GPC6: variants seen among roughly 807,000 people sequenced by gnomAD.
The protein encoded by GPC6 is glypican 6, also known as glypican-6.
A neutral mutation model predicts 55.2 loss-of-function variants in GPC6; 14 were observed. The observed-to-expected ratio is 0.25, with a 90% confidence interval of 0.17 to 0.40. The LOEUF is 0.40. Ranked by LOEUF, GPC6 falls within the 10% of genes least tolerant of loss-of-function variation. GPC6 has a pLI of 1.00. For synonymous variants in GPC6, 278 were observed against 259.6 expected (o/e 1.07, Z -0.68); for missense variants, 641 against 708.5 (o/e 0.90, Z 1.08).
chr13:93,910,520 G>A (rs576991285), intron 3 of GPC6, among the ~76,000 whole-genome samples: 10 of 152,120 alleles, frequency 6.6e-5, no homozygotes, highest in Non-Finnish European at 1.2e-4. Flanking sequence ...TTGAGAGATA[G>A]ATCCAATGGA....
intron 5 of GPC6, among the ~76,000 whole-genome samples, chr13:94,287,175 C>T (rs1357343314): frequency 6.6e-6 from 1 of 152,160 alleles, no homozygotes; most frequent in Non-Finnish European, 1.5e-5. Context: ...CCCGCCTCTT[C>T]CTTCATCAAT....
At chr13:93,899,445 GAA>G (rs796917504) in intron 3 of GPC6, among the ~76,000 whole-genome samples, 2 of 137,128 alleles carry the variant, frequency 1.5e-5, no homozygotes, top group Non-Finnish European at 1.6e-5. Context: ...TTGGATGAAG[GAA>G]AAAAAAAAAA....
In GPC6 at chr13:94,199,995, G is replaced by A. The variant is rs991221954; in HGVS notation, c.878-86354G>A. ...AATATGGTGAAACCCTGTCTTTACT[G>A]AACATACAAATTTAGCTGGGTGTGG... On this transcript the variant is annotated intron_variant, in intron 4 of 8. Transcript: ENST00000377047. Among the ~76,000 whole-genome samples, 5 of 152,052 alleles carry A rather than the reference G, an allele frequency of 3.3e-5. 1 individual carries two copies. Among genetic ancestry groups the A allele is most frequent in the Admixed American group, 3.3e-4 (5 of 15,260 alleles).
chr13:94,140,088 A>C (rs1429090388), intron 4 of GPC6, among the ~76,000 whole-genome samples: 1 of 151,232 alleles, frequency 6.6e-6, no homozygotes, highest in Non-Finnish European at 1.5e-5. Flanking sequence ...CTTTTATCAA[A>C]TTTTCTTTGA....
chr13:94,075,556 C>A (rs1884884015), intron 4 of GPC6, among the ~76,000 whole-genome samples: 1 of 152,104 alleles, frequency 6.6e-6, no homozygotes, highest in African/African-American at 2.4e-5. Context: ...CTCTTAAGAA[C>A]TTACTCATTA....
At position 93,701,541 on chromosome 13, in the gene GPC6, G is replaced by A. The variant is rs115549811; in HGVS notation, c.320-128613G>A. ...TGGGGGGCTGTGACAATTGCTTAAT[G>A]AAAGAAAACAATGAAGTTTCCTGTG... On this transcript the variant is annotated intron_variant, in intron 2 of 8. Coordinates refer to ENST00000377047, the MANE Select transcript of GPC6 (RefSeq NM_005708.5). Among the ~76,000 whole-genome samples, 481 of 152,080 alleles carry A rather than the reference G, an allele frequency of 3.2e-3. 1 individual carries two copies. The highest frequency in any genetic ancestry group is 0.01 in the African/African-American group (435 of 41,494).
At chr13:94,271,382 G>GCGCGCACACACACACACACA (rs1491286473) in intron 4 of GPC6, among the ~76,000 whole-genome samples, 15 of 126,758 alleles carry the variant, frequency 1.2e-4, no homozygotes, top group African/African-American at 4.5e-4. Flanking sequence ...GCGCGCGCGC[G>GCGCGCACACACACACACACA]CACACACACA....
intron 4 of GPC6, among the ~76,000 whole-genome samples, chr13:94,203,347 T>TTA (rs572071586): frequency 6.1e-4 from 92 of 151,932 alleles, no homozygotes; most frequent in Middle Eastern, 6.8e-3. Context: ...AAAGAAAAAC[T>TTA]TATATATATA....
chr13:94,034,201 G>GA (rs1442925708), intron 4 of GPC6, among the ~76,000 whole-genome samples: 4 of 18,554 alleles, frequency 2.2e-4, no homozygotes, highest in South Asian at 3.1e-3. Context: ...AAGAAAGAAA[G>GA]AAGGAAGGAA....
In GPC6 at chr13:94,125,652, G is replaced by C. The variant is rs116835231; in HGVS notation, c.877+97758G>C. Among the ~76,000 whole-genome samples the C allele has an allele frequency of 1.0e-2, 1,514 of 152,042 alleles. 37 individuals carry two copies. The highest frequency in any genetic ancestry group is 0.034 in the African/African-American group (1,426 of 41,442). On this transcript the variant is annotated intron_variant, in intron 4 of 8. Coordinates refer to ENST00000377047, the MANE Select transcript of GPC6 (RefSeq NM_005708.5). ...AGACCTGCACTGCTGGCCCAGCCAGGCTGATTCTGAACACTGACTCATGTT... is the reference window on the plus strand; with the variant it reads ...AGACCTGCACTGCTGGCCCAGCCAGCCTGATTCTGAACACTGACTCATGTT...
intron 2 of GPC6, among the ~76,000 whole-genome samples, chr13:93,694,475 G>C (rs1212433826): frequency 2.6e-5 from 4 of 152,120 alleles, no homozygotes; most frequent in African/African-American, 4.8e-5. Context: ...GCTCCAGAAG[G>C]AACACAAATT....
chr13:94,378,301 A>AT (rs975423343), intron 6 of GPC6, among the ~76,000 whole-genome samples: 10 of 152,176 alleles, frequency 6.6e-5, no homozygotes, highest in East Asian at 1.9e-4. Flanking sequence ...CTGTAAACTG[A>AT]TTTTTTTAAG....
At chr13:93,832,118 AAAAAAT>A (rs1887530668) in intron 3 of GPC6, among the ~76,000 whole-genome samples, 1 of 42,482 alleles carries the variant, frequency 2.4e-5, no homozygotes, top group African/African-American at 1.3e-4. Context: ...AAAAAAAAAA[AAAAAAT>A]ATATATATAT....
chr13:93,896,547 A>C (rs907909516), intron 3 of GPC6, among the ~76,000 whole-genome samples: 6 of 152,120 alleles, frequency 3.9e-5, no homozygotes, highest in African/African-American at 1.4e-4. Flanking sequence ...GAAATGGATA[A>C]AAGATGTGTA....
chr13:93,832,421 G>A (rs1368864703), intron 3 of GPC6, among the ~76,000 whole-genome samples: 1 of 151,994 alleles, frequency 6.6e-6, no homozygotes, highest in South Asian at 2.1e-4. Context: ...TTTTGATTTT[G>A]TTGAAGGATA....
At chr13:93,588,457 G>T (rs1195109926) in intron 2 of GPC6, among the ~76,000 whole-genome samples, 1 of 151,708 alleles carries the variant, frequency 6.6e-6, no homozygotes, top group Non-Finnish European at 1.5e-5. Flanking sequence ...TAAAAATTTT[G>T]CCCTAATTCA....
chr13:94,197,412 C>T (rs1384184801), intron 4 of GPC6, among the ~76,000 whole-genome samples: 1 of 152,188 alleles, frequency 6.6e-6, no homozygotes, highest in Non-Finnish European at 1.5e-5. Flanking sequence ...AAACAACAGA[C>T]ATTTATTATA....
chr13:94,332,191 T>G (rs1284022032), intron 6 of GPC6, among the ~76,000 whole-genome samples: 4 of 152,208 alleles, frequency 2.6e-5, no homozygotes, highest in African/African-American at 9.6e-5. Context: ...GCCCCTTTTC[T>G]CATCCTTTTT....
chr13:94,086,477 TAAA>T (rs11323195), intron 4 of GPC6, among the ~76,000 whole-genome samples: 3 of 149,676 alleles, frequency 2.0e-5, no homozygotes, highest in African/African-American at 4.9e-5. Context: ...TGTACATGAC[TAAA>T]AAAAAAAAAA....
Sources: allele counts gnomAD v4.1 joint callset (sites outside exome capture counted in the v4.1 genomes callset), GRCh38; gene constraint gnomAD v4.1.1; transcripts MANE v1.5; gene names NCBI Gene and HGNC (gene_info 2026-07-23, HGNC 2026-07-21).